The following PAXBP1 variants were observed in gnomAD, a reference collection of about 807,000 sequenced individuals.
PAXBP1 encodes the protein PAX3 and PAX7 binding protein 1, also known as PAX3- and PAX7-binding protein 1.
Under a neutral mutation model 119.9 loss-of-function variants are expected in PAXBP1, and 44 were observed. The ratio of observed to expected loss-of-function variants is 0.37; its 90% CI spans 0.29 to 0.47. The LOEUF (loss-of-function observed/expected upper bound fraction) is 0.47, where lower values mean the gene tolerates loss of function less well. Ranked by LOEUF, PAXBP1 falls within the 20% of genes least tolerant of loss-of-function variation. PAXBP1 has a pLI of 0.99. For missense variants in PAXBP1, 898 were observed against 1,134.1 expected (o/e 0.79, Z 2.99); for synonymous variants, 393 against 406.6 (o/e 0.97, Z 0.40).
In PAXBP1 at chr21:32,737,365, C is replaced by G. The variant is rs376912985; in HGVS notation, c.2525G>C (p.Gly842Ala). 1 of 1,608,896 alleles carries G rather than the reference C, an allele frequency of 6.2e-7. No individual in the cohort carries two copies. Among genetic ancestry groups the G allele is most frequent in the Admixed American group, 1.7e-5 (1 of 58,510 alleles). ...TTCTAACTGAGAAATAGTCCTTTCT[C>G]CTTTCAGATTCATGAACCATTGTTT... ...FPKQWFMNLKGERTISQLENF... is the reference protein window; with the variant it reads ...FPKQWFMNLKAERTISQLENF... The change falls in exon 17 of 18, where the codon GGA becomes GCA. Residue 842 changes from glycine to alanine, a missense_variant. Gly to Ala is a moderately conservative substitution (Grantham distance 60, BLOSUM62 0). Around this residue, in one of 2 missense-constraint regions of PAXBP1, gnomAD observed 599 missense variants for 852.7 expected, o/e 0.70. Coordinates refer to ENST00000331923, the MANE Select transcript of PAXBP1 (RefSeq NM_016631.4).
chr21:32,758,644 TAA>T (rs138934420), intron 7 of PAXBP1, among the ~76,000 whole-genome samples: 10,723 of 104,064 alleles, frequency 0.1, 414 homozygotes, highest in Middle Eastern at 0.13. Context: ...TCATCCAGGG[TAA>T]AAAAAAAAAA....
At chr21:32,740,647 GAAGA>G (rs1264281244) in intron 15 of PAXBP1, among the ~76,000 whole-genome samples, 3 of 152,134 alleles carry the variant, frequency 2.0e-5, no homozygotes, top group African/African-American at 7.2e-5. Flanking sequence ...GAAACTTCTA[GAAGA>G]AAGGATAGGA....
At chr21:32,764,664 T>C (rs370217575) in intron 2 of PAXBP1, 140 bp from the exon 3 acceptor site, 1 of 597,692 alleles carries the variant, frequency 1.7e-6, no homozygotes. Flanking sequence ...CTCAATCCAG[T>C]AAAGCTTGAA....
intron 7 of PAXBP1, 34 bp from the exon 8 acceptor site, chr21:32,755,387 C>A: frequency 6.3e-7 from 1 of 1,596,820 alleles, no homozygotes; most frequent in East Asian, 2.3e-5. Flanking sequence ...TAACACCAAA[C>A]TCCTCAGCTG....
chr21:32,761,235 T>C, intron 4 of PAXBP1, 73 bp from the exon 5 acceptor site: 1 of 1,151,742 alleles, frequency 8.7e-7, no homozygotes, highest in Admixed American at 1.8e-5. Context: ...TGTCCTGACA[T>C]TTCACAAGAA....
chr21:32,764,758 G>A (rs966670384), intron 2 of PAXBP1, among the ~76,000 whole-genome samples: 2 of 152,180 alleles, frequency 1.3e-5, no homozygotes, highest in African/African-American at 4.8e-5. Context: ...AAATAATACA[G>A]AGGATGTAAT....
Position 32,738,260 on chromosome 21 carries a change from T to C in PAXBP1, c.2394A>G (p.Leu798=), listed in dbSNP as rs192683596. Residue 798 remains leucine, a synonymous_variant, in exon 16 of 18, where the codon TTA becomes TTG. Transcript: ENST00000331923. ...ATCGATTTAATAAACCATCTATTGA[T>C]AACTCTTGCAGAGTTTTATTTGAGA... ...GIFSNKTLQE[L]SIDGLLNRYI... 1.2e-4 allele frequency: 191 copies of C among 1,604,202 alleles called. 1 individual carries two copies. The Middle Eastern group carries it at 1.7e-3, about 14-fold the overall frequency.
chr21:32,752,860 C>T (rs2043978609), intron 8 of PAXBP1, among the ~76,000 whole-genome samples: 1 of 152,098 alleles, frequency 6.6e-6, no homozygotes, highest in Non-Finnish European at 1.5e-5. Context: ...TCTCAAACTC[C>T]GCCTCGGCCT....
At chr21:32,755,576 G>T in intron 7 of PAXBP1, 1 of 375,820 alleles carries the variant, frequency 2.7e-6, no homozygotes, top group Non-Finnish European at 4.7e-6. Context: ...CCTAGTTATT[G>T]GAGCAAACAT....
At chr21:32,735,519 C>A (rs2043680899) in intron 17 of PAXBP1, among the ~76,000 whole-genome samples, 1 of 152,166 alleles carries the variant, frequency 6.6e-6, no homozygotes, top group South Asian at 2.1e-4. Flanking sequence ...TCCACTCCAC[C>A]AAAATTCACT....
chr21:32,771,282 T>A (rs1444511176), intron 1 of PAXBP1, 44 bp downstream of exon 1: 1 of 1,512,348 alleles, frequency 6.6e-7, no homozygotes, highest in Admixed American at 1.9e-5. Flanking sequence ...GGGGCCTGCG[T>A]CGGGGATGCG....
intron 10 of PAXBP1, among the ~76,000 whole-genome samples, chr21:32,749,707 A>G (rs2043929692): frequency 6.6e-6 from 1 of 152,210 alleles, no homozygotes; most frequent in African/African-American, 2.4e-5. Flanking sequence ...TTTAACTTAA[A>G]TCTAATTAAG....
At position 32,765,714 on chromosome 21, in the gene PAXBP1, C is replaced by CTT. The variant is rs112471797; in HGVS notation, c.473-1192_473-1191dup. Among the ~76,000 whole-genome samples the CTT allele has an allele frequency of 3.3e-3, 479 of 146,728 alleles. 2 individuals carry two copies. The highest frequency in any genetic ancestry group is 0.01 in the African/African-American group (409 of 40,132). ...TCTTTTAGGCTCTTTCATTTTTTTT[C>CTT]TTTTTTTTTTTCATTTACCATTTTC... is the stretch of plus-strand genomic sequence containing the variant. On this transcript the variant is annotated intron_variant, in intron 2 of 17. Coordinates refer to ENST00000331923, the MANE Select transcript of PAXBP1 (RefSeq NM_016631.4).
chr21:32,738,705 C>G (rs973506163), intron 15 of PAXBP1, among the ~76,000 whole-genome samples: 26 of 152,118 alleles, frequency 1.7e-4, no homozygotes, highest in African/African-American at 6.0e-4. Flanking sequence ...ATGGGAGAGT[C>G]TGACTACAAC....
chr21:32,758,750 A>C (rs1480417601), intron 7 of PAXBP1, among the ~76,000 whole-genome samples: 3 of 152,098 alleles, frequency 2.0e-5, no homozygotes, highest in Non-Finnish European at 4.4e-5. Flanking sequence ...GAACCAGAAA[A>C]GAAAATTTTA....
chr21:32,744,268 A>G (rs991677697), intron 13 of PAXBP1, among the ~76,000 whole-genome samples: 1 of 151,522 alleles, frequency 6.6e-6, no homozygotes, highest in Non-Finnish European at 1.5e-5. Flanking sequence ...GCTAAAAAAA[A>G]AAAAAAAAGA....
chr21:32,743,342 T>C (rs1601587403), intron 14 of PAXBP1, 28 bp from the exon 15 acceptor site: 1 of 1,435,152 alleles, frequency 7.0e-7, no homozygotes, highest in Non-Finnish European at 9.4e-7. Flanking sequence ...AAACATATCA[T>C]GATCAGATAT....
chr21:32,758,189 A>G (rs79892713), intron 7 of PAXBP1, among the ~76,000 whole-genome samples: 2,166 of 152,358 alleles, frequency 0.014, 70 homozygotes, highest in African/African-American at 0.05. Flanking sequence ...CAAAGATAAC[A>G]AAAGTTGAAA....
rs2043670050 is a variant in PAXBP1 at position 32,734,843 on chromosome 21, T to C, written c.*107A>G. The stretch of plus-strand genomic sequence containing the variant: ...ACAGTATTGAATATAATGTTTTTTG[T>C]ATTAAAACAAGAATTGCTATTTTAC... On this transcript the variant is annotated 3_prime_UTR_variant, in exon 18 of 18. Transcript: ENST00000331923. 1 of 795,244 alleles carries C rather than the reference T, an allele frequency of 1.3e-6. No homozygotes were observed. The highest frequency in any genetic ancestry group is 1.7e-5 in the African/African-American group (1 of 57,194). 49.3% of individuals were successfully genotyped at this position (795,244 alleles called of 1,614,324 possible). A position where few individuals can be genotyped will look rare whatever the true frequency, so the allele number is the denominator to read the frequency against.
Sources: allele counts gnomAD v4.1 joint callset (sites outside exome capture counted in the v4.1 genomes callset), GRCh38; gene constraint gnomAD v4.1.1; regional missense constraint gnomAD v4.1.1; transcripts MANE v1.5; gene names NCBI Gene and HGNC (gene_info 2026-07-23, HGNC 2026-07-21).